Variants in WDR64 observed in about 807,000 individuals in gnomAD.
The protein encoded by WDR64 is WD repeat-containing protein 64.
In WDR64, 112 loss-of-function variants were observed where a neutral mutation model predicts 139.3. The observed-to-expected ratio is 0.80, with a 90% CI of 0.69 to 0.94. The LOEUF (loss-of-function observed/expected upper bound fraction) is 0.94. Ranked by LOEUF, WDR64 falls within the 40% of genes least tolerant of loss-of-function variation. The pLI, the probability that WDR64 is intolerant of heterozygous loss-of-function variation, is 0.00. For synonymous variants in WDR64, 444 were observed against 437.7 expected (o/e 1.01, Z -0.18); for missense variants, 1,206 against 1,293.1 (o/e 0.93, Z 1.03).
chr1:241,688,598 C>A (rs993061540), intron 8 of WDR64, among the ~76,000 whole-genome samples: 2 of 152,072 alleles, frequency 1.3e-5, no homozygotes, highest in Non-Finnish European at 2.9e-5. Context: ...AATAATTTTT[C>A]TTAGATCCAT....
chr1:241,679,023 CT>C (rs1416701510), intron 5 of WDR64, among the ~76,000 whole-genome samples: 1 of 152,178 alleles, frequency 6.6e-6, no homozygotes, highest in Non-Finnish European at 1.5e-5. Flanking sequence ...GCCATGCCAG[CT>C]TGGTGTCTTT....
chr1:241,794,502 C>CTTTTTTT (rs1659299229), intron 25 of WDR64, among the ~76,000 whole-genome samples: 1 of 105,022 alleles, frequency 9.5e-6, no homozygotes, highest in African/African-American at 4.0e-5. Flanking sequence ...TTAAGCTTTA[C>CTTTTTTT]TGTTTTTTTT....
chr1:241,696,294 A>C (rs2148135365), intron 8 of WDR64, among the ~76,000 whole-genome samples: 1 of 151,774 alleles, frequency 6.6e-6, no homozygotes, highest in Middle Eastern at 3.4e-3. Context: ...ACAGCTACTC[A>C]ATGACCTCAC....
Position 241,674,644 on chromosome 1 carries a change from G to T in WDR64, c.380G>T (p.Gly127Val). 1 of 1,536,922 alleles carries T rather than the reference G, an allele frequency of 6.5e-7. No individual in the cohort carries two copies. Among genetic ancestry groups the T allele is most frequent in the South Asian group, 1.2e-5 (1 of 83,342 alleles). ...VSRKRRILISGSRRRDVIKSI... is the reference protein window; with the variant it reads ...VSRKRRILISVSRRRDVIKSI... The stretch of plus-strand genomic sequence containing the variant: ...GAAATGAATATTATGCTGTTGACAG[G>T]TAGTAGAAGACGAGATGTGATTAAG... Residue 127 changes from glycine (G) to valine (V), a missense_variant and splice_region_variant, in exon 4 of 28, where the codon GGT (glycine) becomes GTT (valine). By Grantham distance (109) the Gly-to-Val change is moderately radical. Coordinates refer to ENST00000437684, the MANE Select transcript of WDR64 (RefSeq NM_001367482.1).
At chr1:241,723,548 T>C in intron 10 of WDR64, 112 bp downstream of exon 10, 3 of 1,207,204 alleles carry the variant, frequency 2.5e-6, no homozygotes, top group Middle Eastern at 2.6e-4. Flanking sequence ...CATTGAATCA[T>C]TGAGAAAAAT....
chr1:241,675,069 T>C (rs1312077284), intron 4 of WDR64, among the ~76,000 whole-genome samples: 6 of 77,220 alleles, frequency 7.8e-5, no homozygotes, highest in African/African-American at 3.2e-4. Flanking sequence ...CCTTCCTCCT[T>C]CCTGCCTCCC....
intron 8 of WDR64, among the ~76,000 whole-genome samples, chr1:241,709,237 T>C (rs554284008): frequency 6.6e-5 from 10 of 152,316 alleles, no homozygotes; most frequent in African/African-American, 2.4e-4. Flanking sequence ...TGCTGTCTCA[T>C]TGATTTTGTG....
intron 8 of WDR64, among the ~76,000 whole-genome samples, chr1:241,701,471 A>G (rs1271383754): frequency 6.6e-6 from 1 of 152,230 alleles, no homozygotes; most frequent in Non-Finnish European, 1.5e-5. Flanking sequence ...GAACACTTAG[A>G]TTATCTAGAA....
chr1:241,757,930 A>G (rs1670269781), intron 15 of WDR64, among the ~76,000 whole-genome samples: 1 of 152,204 alleles, frequency 6.6e-6, no homozygotes, highest in Non-Finnish European at 1.5e-5. Flanking sequence ...AGAAGTTGTT[A>G]ATCTCATCAC....
intron 25 of WDR64, among the ~76,000 whole-genome samples, chr1:241,791,675 GAA>G (rs150419559): frequency 6.8e-6 from 1 of 146,916 alleles, no homozygotes; most frequent in Admixed American, 6.8e-5. Context: ...CTGTCTGGGG[GAA>G]AAAAAAAAAG....
intron 8 of WDR64, among the ~76,000 whole-genome samples, chr1:241,704,785 T>C (rs1320285319): frequency 6.6e-6 from 1 of 152,216 alleles, no homozygotes; most frequent in African/African-American, 2.4e-5. Flanking sequence ...GCTCTTTTCC[T>C]GCTGTCTTAG....
At chr1:241,654,798 A>G (rs901388251) in intron 1 of WDR64, among the ~76,000 whole-genome samples, 2 of 152,242 alleles carry the variant, frequency 1.3e-5, no homozygotes, top group African/African-American at 4.8e-5. Context: ...TTCAATGCAT[A>G]CAAACTTTGT....
chr1:241,678,449 G>A (rs1210693651), intron 5 of WDR64, among the ~76,000 whole-genome samples: 1 of 152,134 alleles, frequency 6.6e-6, no homozygotes, highest in African/African-American at 2.4e-5. Flanking sequence ...CTTGGAAACT[G>A]GTTACTCCTT....
chr1:241,769,467 T>C lies in WDR64; in HGVS notation c.2145T>C (p.Asn715=). The C allele has an allele frequency of 1.3e-6, 2 of 1,551,528 alleles. No individual in the cohort carries two copies. Among genetic ancestry groups the C allele is most frequent in the Non-Finnish European group, 1.7e-6 (2 of 1,146,970 alleles). Residue 715 remains asparagine, a synonymous_variant, in exon 17 of 28, where the codon AAT becomes AAC. Transcript: ENST00000437684. ...TGCATCCCAAGCACTTTAAAATTAA[T>C]GACATACTGTTCCTCTTTCGTACCC... ...PDLHPKHFKI[N]DILFLFRTPE...
intron 16 of WDR64, among the ~76,000 whole-genome samples, chr1:241,769,155 C>T (rs566195187): frequency 7.1e-4 from 108 of 152,202 alleles, no homozygotes; most frequent in African/African-American, 2.6e-3. Context: ...AGTCCATTCT[C>T]TGATCTAAAG....
At chr1:241,720,465 CTT>C (rs1488668888) in intron 9 of WDR64, among the ~76,000 whole-genome samples, 6 of 152,052 alleles carry the variant, frequency 3.9e-5, no homozygotes, top group Admixed American at 6.6e-5. Context: ...GCCAGCATCT[CTT>C]GTTTCTGGAC....
intron 9 of WDR64, among the ~76,000 whole-genome samples, chr1:241,714,652 G>A (rs1668331191): frequency 6.6e-6 from 1 of 151,940 alleles, no homozygotes; most frequent in Non-Finnish European, 1.5e-5. Flanking sequence ...CTCAGCTCTG[G>A]GCCTTCTATA....
chr1:241,659,655 G>A (rs1232782879), intron 1 of WDR64, among the ~76,000 whole-genome samples: 2 of 152,182 alleles, frequency 1.3e-5, no homozygotes, highest in African/African-American at 2.4e-5. Flanking sequence ...TTTGTGTAAT[G>A]ACCAGTGATG....
chr1:241,757,646 TTTG>T (rs1361491734), intron 15 of WDR64, among the ~76,000 whole-genome samples, 187 bp downstream of exon 15: 36 of 123,740 alleles, frequency 2.9e-4, no homozygotes, highest in African/African-American at 1.1e-3. Context: ...CACCAATGGA[TTTG>T]TTTTTTTTTT....
Sources: allele counts gnomAD v4.1 joint callset (sites outside exome capture counted in the v4.1 genomes callset), GRCh38; gene constraint gnomAD v4.1.1; transcripts MANE v1.5; gene names NCBI Gene and HGNC (gene_info 2026-07-23, HGNC 2026-07-21).